GLTP: variants seen among roughly 807,000 people sequenced by gnomAD.
GLTP encodes glycolipid transfer protein.
Under a neutral mutation model 24.0 loss-of-function variants are expected in GLTP, and 22 were observed. The ratio of observed to expected loss-of-function variants is 0.92; its 90% CI spans 0.65 to 1.31. GLTP has a LOEUF of 1.31. Ranked by LOEUF, GLTP falls within the 50% of genes most tolerant of loss-of-function variation. The pLI is 0.00. For missense variants in GLTP, 224 were observed against 276.6 expected, an observed-to-expected ratio of 0.81 and a Z score of 1.35; for synonymous variants, 92 against 115.9, an observed-to-expected ratio of 0.79 and a Z score of 1.33.
intron 1 of GLTP, among the ~76,000 whole-genome samples, chr12:109,869,299 A>T (rs1358101858): frequency 6.4e-5 from 5 of 77,540 alleles, no homozygotes; most frequent in African/African-American, 3.7e-4. Context: ...GTAAGGCTCT[A>T]CCTCAAAAAA....
At chr12:109,877,249 A>T (rs1439049956) in intron 1 of GLTP, among the ~76,000 whole-genome samples, 1 of 152,222 alleles carries the variant, frequency 6.6e-6, no homozygotes, top group East Asian at 1.9e-4. Context: ...ACTCTACCTC[A>T]AATGTTGTCA....
intron 1 of GLTP, among the ~76,000 whole-genome samples, chr12:109,874,316 G>A (rs1868817520): frequency 1.3e-5 from 2 of 152,132 alleles, no homozygotes; most frequent in Non-Finnish European, 2.9e-5. Flanking sequence ...CTGATTCTAG[G>A]CTGCCACTGC....
Position 109,854,801 on chromosome 12 carries a change from AG to A in GLTP, c.447+817del, listed in dbSNP as rs1453709355. 8.5e-4 allele frequency among the ~76,000 whole-genome samples: 130 copies of A among 152,300 alleles called. 2 individuals are homozygous for A. Among genetic ancestry groups the A allele is most frequent in the Admixed American group, 8.4e-3 (128 of 15,296 alleles). On this transcript the variant is annotated intron_variant, in intron 4 of 4. Coordinates refer to ENST00000318348, the MANE Select transcript of GLTP (RefSeq NM_016433.4). ...ACAGCTCTTCCGGGGTGGATGGCCC[AG>A]GGGCTGCCACGCATCTCACCCTATG...
At chr12:109,868,271 A>G (rs1381371058) in intron 1 of GLTP, among the ~76,000 whole-genome samples, 1 of 152,240 alleles carries the variant, frequency 6.6e-6, no homozygotes, top group African/African-American at 2.4e-5. Flanking sequence ...TTGGCCTCCC[A>G]AAGCACTGGA....
chr12:109,854,123 C>T (rs1892762978), intron 4 of GLTP, among the ~76,000 whole-genome samples: 1 of 151,524 alleles, frequency 6.6e-6, no homozygotes, highest in Non-Finnish European at 1.5e-5. Flanking sequence ...TTTGGGAGGC[C>T]GAGGTGGGAG....
At chr12:109,876,893 C>T (rs1868901913) in intron 1 of GLTP, among the ~76,000 whole-genome samples, 1 of 152,160 alleles carries the variant, frequency 6.6e-6, no homozygotes, top group South Asian at 2.1e-4. Flanking sequence ...TGCTGTGTCA[C>T]CCAAACTGGA....
Position 109,880,296 on chromosome 12 carries a change from C to A in GLTP, c.79G>T (p.Val27Leu), listed in dbSNP as rs746588820. 2.5e-6 allele frequency: 4 copies of A among 1,604,474 alleles called. No individual in the cohort carries two copies. In the African/African-American group the frequency reaches 5.4e-5, roughly 21 times the overall value. ...CCGAAGAAGGGCGGCAGGTGGGACA[C>A]CGCCTCGAGGAAGGGCCCGGTCTCG... Reference protein sequence around the residue: ...QIETGPFLEAVSHLPPFFDCL... With the variant: ...QIETGPFLEALSHLPPFFDCL... Residue 27 changes from valine (V) to leucine (L), a missense_variant, in exon 1 of 5, where the codon GTG becomes TTG. Coordinates refer to ENST00000318348, the MANE Select transcript of GLTP (RefSeq NM_016433.4). The surrounding 1 kb of genome is among the most constrained non-coding windows in gnomAD (Gnocchi z 5.1).
intron 1 of GLTP, 147 bp from the exon 2 acceptor site, chr12:109,858,888 G>A: frequency 1.5e-6 from 1 of 648,328 alleles, no homozygotes; most frequent in South Asian, 1.7e-5. Flanking sequence ...AGGCAGCATG[G>A]GCTTGGGTGC....
At chr12:109,860,625 ACAC>A in intron 1 of GLTP, among the ~76,000 whole-genome samples, 1 of 152,186 alleles carries the variant, frequency 6.6e-6, no homozygotes, top group African/African-American at 2.4e-5. Context: ...TTAGAGGGAT[ACAC>A]CATCACACCC....
chr12:109,857,804 C>T lies in GLTP; in HGVS notation c.163-145G>A. 1.3e-6 allele frequency: 1 copy of T among 796,378 alleles called. No homozygotes were observed. The highest frequency in any genetic ancestry group is 2.1e-6 in the Non-Finnish European group (1 of 474,544). 49.3% of individuals were successfully genotyped at this position (796,378 alleles called of 1,614,324 possible). A position where few individuals can be genotyped will look rare whatever the true frequency, so the allele number is the denominator to read the frequency against. On this transcript the variant is annotated intron_variant, in intron 2 of 4. Transcript: ENST00000318348. This position sits in a 1 kb window ranked among gnomAD's most constrained non-coding sequence, Gnocchi z 4.3. ...GCAGGGATAAGACTTGTAACAATAA[C>T]TATGACTGTTCACATGAGCCAGGAT...
chr12:109,858,202 A>ACCC (rs777123635), intron 2 of GLTP: 2 of 457,058 alleles, frequency 4.4e-6, no homozygotes, highest in South Asian at 1.5e-5. Flanking sequence ...ATCTGTAAAA[A>ACCC]GGGGATAACA....
chr12:109,866,445 A>C (rs1868531155), intron 1 of GLTP: 1 of 152,280 alleles, frequency 6.6e-6, no homozygotes. Flanking sequence ...TCTTGGGCTC[A>C]AGTGATCTTC....
rs577567811 is a variant in GLTP at position 109,865,799 on chromosome 12, T to C, written c.104-7058A>G. ...CACCATCTTCTTTCACAGACCCAAC[T>C]AGAGTGAGCAGATTCCAAATACAGT... On this transcript the variant is annotated intron_variant, in intron 1 of 4. Coordinates refer to ENST00000318348, the MANE Select transcript of GLTP (RefSeq NM_016433.4). Among the ~76,000 whole-genome samples, 4 of 152,118 alleles carry C rather than the reference T, an allele frequency of 2.6e-5. No homozygotes were observed. In the South Asian group the frequency reaches 8.3e-4, roughly 32 times the overall value.
At position 109,880,486 on chromosome 12, in the gene GLTP, C is replaced by G. The variant is rs1490744140; in HGVS notation, c.-112G>C. The stretch of plus-strand genomic sequence containing the variant: ...CGTCACAGCCGCCCGCCGCAGGCTC[C>G]GGGGACGCCAGCGTCGCCACTTCCG... On this transcript the variant is annotated 5_prime_UTR_variant, in exon 1 of 5. Coordinates refer to ENST00000318348, the MANE Select transcript of GLTP (RefSeq NM_016433.4). This position sits in a 1 kb window ranked among gnomAD's most constrained non-coding sequence, Gnocchi z 5.1. The G allele has an allele frequency of 3.4e-4, 92 of 267,726 alleles. No individual in the cohort carries two copies. Among genetic ancestry groups the G allele is most frequent in the Non-Finnish European group, 9.7e-5 (15 of 154,242 alleles). The allele number at this position is 267,726 out of a possible 1,614,324, so 16.6% of individuals were successfully genotyped here.
chr12:109,873,419 G>T (rs1868788477), intron 1 of GLTP, among the ~76,000 whole-genome samples: 1 of 152,064 alleles, frequency 6.6e-6, no homozygotes, highest in African/African-American at 2.4e-5. Context: ...TGGATCATGA[G>T]GTCAGGAGTT....
chr12:109,877,160 T>C (rs1446445452), intron 1 of GLTP, among the ~76,000 whole-genome samples: 1 of 152,206 alleles, frequency 6.6e-6, no homozygotes, highest in African/African-American at 2.4e-5. Flanking sequence ...GCCCATACTT[T>C]TTTTTCCCCA....
At chr12:109,871,608 G>A (rs891380396) in intron 1 of GLTP, among the ~76,000 whole-genome samples, 9 of 152,036 alleles carry the variant, frequency 5.9e-5, no homozygotes, top group South Asian at 2.1e-4. Context: ...TGATCAAATC[G>A]CTTCACCTCC....
intron 1 of GLTP, among the ~76,000 whole-genome samples, chr12:109,873,624 ACT>A (rs1431762288): frequency 7.5e-6 from 1 of 133,194 alleles, no homozygotes; most frequent in African/African-American, 3.0e-5. Flanking sequence ...ATAGAGCAAG[ACT>A]CTGTCTCAAA....
At position 109,852,654 on chromosome 12, in the gene GLTP, C is replaced by T; in HGVS notation, c.531G>A (p.Leu177=). The T allele has an allele frequency of 1.9e-6, 3 of 1,604,698 alleles. No individual in the cohort carries two copies. Among genetic ancestry groups the T allele is most frequent in the Non-Finnish European group, 2.6e-6 (3 of 1,171,400 alleles). The stretch of plus-strand genomic sequence containing the variant: ...TGACTAGGAAGAGGCGGATCTTCTC[C>T]AGGCACTCCTCCTCCGTAACATTCT... ...KGQNVTEEEC[L]EKIRLFLVNY... The change falls in exon 5 of 5, where the codon CTG becomes CTA. Residue 177 remains leucine, a synonymous_variant. Coordinates refer to ENST00000318348, the MANE Select transcript of GLTP (RefSeq NM_016433.4).
Sources: gnomAD v4.1 joint callset for allele counts (sites outside exome capture counted in the v4.1 genomes callset) on GRCh38, gnomAD v4.1.1 for gene constraint, Gnocchi (gnomAD v3.1) non-coding constraint, MANE v1.5 for transcripts, NCBI Gene and HGNC (gene_info 2026-07-23, HGNC 2026-07-21) for gene names.